Variants in ZW10 observed in about 807,000 individuals in gnomAD.
ZW10 encodes centromere/kinetochore protein zw10 homolog.
ZW10 carries 53 observed loss-of-function variants against 87.8 expected under a neutral mutation model. That is an observed-to-expected ratio of 0.60 (90% CI 0.48 to 0.76). The LOEUF (loss-of-function observed/expected upper bound fraction) is 0.76, where lower values mean the gene tolerates loss of function less well. Among genes scored for constraint, ZW10 ranks in the 30% least tolerant of loss-of-function variants. ZW10 has a pLI of 0.00. For synonymous variants in ZW10, 312 were observed against 329.2 expected, an observed-to-expected ratio of 0.95 and a Z score of 0.57; for missense variants, 837 against 923.0, an observed-to-expected ratio of 0.91 and a Z score of 1.21.
At chr11:113,755,362 G>C (rs544337196) in intron 7 of ZW10, among the ~76,000 whole-genome samples, 2 of 152,306 alleles carry the variant, frequency 1.3e-5, no homozygotes, top group South Asian at 4.1e-4. Flanking sequence ...TAAGACTTCA[G>C]TTAAAGAAGG....
chr11:113,742,288 T>C (rs1432008169), intron 10 of ZW10, among the ~76,000 whole-genome samples: 1 of 152,200 alleles, frequency 6.6e-6, no homozygotes, highest in African/African-American at 2.4e-5. Flanking sequence ...AAATCTAGCC[T>C]TAAAACACCT....
At chr11:113,761,524 G>A (rs1953859888) in intron 2 of ZW10, among the ~76,000 whole-genome samples, 1 of 152,050 alleles carries the variant, frequency 6.6e-6, no homozygotes, top group Non-Finnish European at 1.5e-5. Flanking sequence ...CAAGCGATCT[G>A]CCCACCTTGG....
rs966333821 is a variant in ZW10 at position 113,758,168 on chromosome 11, C to T, written c.734-315G>A. Among the ~76,000 whole-genome samples, 5 of 148,958 alleles carry T rather than the reference C, an allele frequency of 3.4e-5. No individual in the cohort carries two copies. In the East Asian group the frequency reaches 1.0e-3, roughly 30 times the overall value. On this transcript the variant is annotated intron_variant, in intron 6 of 15. Coordinates refer to ENST00000200135, the MANE Select transcript of ZW10 (RefSeq NM_004724.4). ...AGCCTGGGCGACAAAAGCGAAAACT[C>T]CATCTCAAAAAAAAACACTTCTAAA...
Position 113,760,535 on chromosome 11 carries a change from G to C in ZW10, c.398C>G (p.Thr133Ser). The change falls in exon 4 of 16, where the codon ACT (threonine) becomes AGT (serine). Residue 133 changes from threonine (T) to serine (S), a missense_variant. Transcript: ENST00000200135. ...TACCTCTTCCAGACGCTGAGCACCA[G>C]TGACATACTTCTTCTCTGTTAATGC... ...NCALTEKKYV[T>S]GAQRLEEAQK... The C allele has an allele frequency of 6.2e-7, 1 of 1,613,852 alleles. No homozygotes were observed. The highest frequency in any genetic ancestry group is 8.5e-7 in the Non-Finnish European group (1 of 1,179,904).
At chr11:113,742,802 T>C in intron 10 of ZW10, among the ~76,000 whole-genome samples, 1 of 152,212 alleles carries the variant, frequency 6.6e-6, no homozygotes, top group East Asian at 1.9e-4. Flanking sequence ...GACATGTGAA[T>C]GTAATGATTC....
intron 13 of ZW10, 48 bp downstream of exon 13, chr11:113,738,216 G>A (rs769794226): frequency 1.3e-6 from 2 of 1,514,960 alleles, no homozygotes; most frequent in South Asian, 1.3e-5. Context: ...AAAAAAAAAG[G>A]CATCTAAGGA....
At position 113,771,300 on chromosome 11, in the gene ZW10, A is replaced by G. The variant is rs550305217; in HGVS notation, c.105+2262T>C. ...TGAGGTTGCGTTTTGAGCATAGGGT[A>G]CAGAAGCCTTTCTGGATTTGGATGT... On this transcript the variant is annotated intron_variant, in intron 1 of 15. Transcript: ENST00000200135. The G allele has an allele frequency of 5.9e-5, 9 of 152,472 alleles. No individual in the cohort carries two copies. In the East Asian group the frequency reaches 1.7e-3, roughly 30 times the overall value. The allele number at this position is 152,472 out of a possible 1,614,324, so 9.4% of individuals were successfully genotyped here.
chr11:113,737,394 A>G (rs1356060348), intron 14 of ZW10, among the ~76,000 whole-genome samples, 178 bp downstream of exon 14: 3 of 152,158 alleles, frequency 2.0e-5, no homozygotes, highest in Non-Finnish European at 4.4e-5. Context: ...CTACTTTCAT[A>G]TAAAAGAGAT....
chr11:113,735,405 T>C (rs1953540845), intron 15 of ZW10, among the ~76,000 whole-genome samples: 1 of 152,150 alleles, frequency 6.6e-6, no homozygotes, highest in African/African-American at 2.4e-5. Context: ...AAATCTAAAC[T>C]TTGTAGTAAA....
At chr11:113,749,986 A>G (rs1409328751) in intron 7 of ZW10, among the ~76,000 whole-genome samples, 5 of 152,226 alleles carry the variant, frequency 3.3e-5, no homozygotes, top group African/African-American at 1.2e-4. Flanking sequence ...GTTTATTTGA[A>G]TATTTTATGC....
At chr11:113,760,060 G>A in intron 5 of ZW10, 149 bp downstream of exon 5, 1 of 973,344 alleles carries the variant, frequency 1.0e-6, no homozygotes, top group South Asian at 2.0e-5. Flanking sequence ...TTGGTCCTAA[G>A]AAAGCATCTT....
At chr11:113,739,170 C>T in intron 12 of ZW10, 43 bp downstream of exon 12, 2 of 1,591,044 alleles carry the variant, frequency 1.3e-6, no homozygotes, top group Non-Finnish European at 8.6e-7. Context: ...TGTTGACAAG[C>T]TGCATAATCC....
chr11:113,748,591 T>C (rs533729635), intron 7 of ZW10, among the ~76,000 whole-genome samples, 171 bp from the exon 8 acceptor site: 1 of 152,230 alleles, frequency 6.6e-6, no homozygotes, highest in Non-Finnish European at 1.5e-5. Flanking sequence ...ATTATTATTA[T>C]TTTATTTTCA....
chr11:113,773,120 T>G (rs927467532), intron 1 of ZW10, among the ~76,000 whole-genome samples: 1 of 151,552 alleles, frequency 6.6e-6, no homozygotes, highest in African/African-American at 2.4e-5. Context: ...AAATAAACAC[T>G]CATCGATGGA....
Position 113,733,403 on chromosome 11 carries a change from C to A in ZW10, c.*291G>T. On this transcript the variant is annotated 3_prime_UTR_variant, in exon 16 of 16. Transcript: ENST00000200135. ...TACAATGTATATAGCTCCCAGAGGG[C>A]TCTGGAAGCAGCATGAAATAATGCT... 2.8e-6 allele frequency: 1 copy of A among 356,998 alleles called. No individual in the cohort carries two copies. The highest frequency in any genetic ancestry group is 5.1e-6 in the Non-Finnish European group (1 of 194,442). The allele number at this position is 356,998 out of a possible 1,614,324, so 22.1% of individuals were successfully genotyped here. A position where few individuals can be genotyped will look rare whatever the true frequency, so the allele number is the denominator to read the frequency against.
intron 6 of ZW10, among the ~76,000 whole-genome samples, chr11:113,758,284 G>A (rs1359643679): frequency 6.6e-6 from 1 of 150,696 alleles, no homozygotes; most frequent in Non-Finnish European, 1.5e-5. Context: ...ATTATGCGGT[G>A]CAGGTTTTAC....
intron 3 of ZW10, 58 bp downstream of exon 3, chr11:113,760,759 T>C (rs1428333299): frequency 7.7e-6 from 11 of 1,432,300 alleles, no homozygotes; most frequent in South Asian, 5.9e-5. Flanking sequence ...GAGATAGCCA[T>C]TGACTAATGA....
chr11:113,751,068 G>A (rs1396567039), intron 7 of ZW10: 1 of 175,062 alleles, frequency 5.7e-6, no homozygotes, highest in Admixed American at 5.4e-5. Context: ...AGCCATCGTG[G>A]TTTTTTATTA....
intron 2 of ZW10, among the ~76,000 whole-genome samples, chr11:113,767,429 A>T (rs1281624296): frequency 6.6e-6 from 1 of 152,058 alleles, no homozygotes; most frequent in African/African-American, 2.4e-5. Flanking sequence ...TGACTCCTAC[A>T]TTCTTCACTC....
Sources: gnomAD v4.1 joint callset for allele counts (sites outside exome capture counted in the v4.1 genomes callset) on GRCh38, gnomAD v4.1.1 for gene constraint, MANE v1.5 for transcripts, NCBI Gene and HGNC (gene_info 2026-07-23, HGNC 2026-07-21) for gene names.